CSMD2: variants seen among roughly 807,000 people sequenced by gnomAD.
CSMD2 encodes CUB and sushi domain-containing protein 2.
CSMD2 carries 130 observed loss-of-function variants against 398.5 expected under a neutral mutation model. That is an observed-to-expected ratio of 0.33 (90% CI 0.28 to 0.38). The LOEUF (loss-of-function observed/expected upper bound fraction) is 0.38, where lower values mean the gene tolerates loss of function less well. Among genes scored for constraint, CSMD2 ranks in the 10% least tolerant of loss-of-function variants. CSMD2 has a pLI of 1.00. For synonymous variants in CSMD2, 1,828 were observed against 1,908.5 expected, an observed-to-expected ratio of 0.96 and a Z score of 1.10; for missense variants, 3,829 against 4,764.9, an observed-to-expected ratio of 0.80 and a Z score of 5.78.
At chr1:34,162,633 C>T (rs1360113498) in intron 1 of CSMD2, among the ~76,000 whole-genome samples, 1 of 151,986 alleles carries the variant, frequency 6.6e-6, no homozygotes, top group Non-Finnish European at 1.5e-5. Flanking sequence ...CAGAGGCAGG[C>T]GGATCACCTG....
At position 33,527,269 on chromosome 1, in the gene CSMD2, A is replaced by G. The variant is rs1482269435; in HGVS notation, c.10172-11T>C. The G allele has an allele frequency of 6.2e-7, 1 of 1,609,188 alleles. No individual in the cohort carries two copies. The highest frequency in any genetic ancestry group is 8.5e-7 in the Non-Finnish European group (1 of 1,177,128). On this transcript the variant is annotated splice_polypyrimidine_tract_variant and intron_variant, in intron 64 of 70. Coordinates refer to ENST00000373381, the MANE Select transcript of CSMD2 (RefSeq NM_001281956.2). ...CACTGGGCCGGACCTCTGCTGGGGA[A>G]AAAGAGTGGAAGAAAACAGGTTCAG...
At position 33,873,182 on chromosome 1, in the gene CSMD2, C is replaced by A. The variant is rs114673031; in HGVS notation, c.921-26186G>T. 6.3e-3 allele frequency among the ~76,000 whole-genome samples: 952 copies of A among 152,258 alleles called. 11 individuals carry two copies. Among genetic ancestry groups the A allele is most frequent in the African/African-American group, 0.022 (903 of 41,556 alleles). Reference sequence around the variant, plus strand: ...CTGCACCTGATTTAGATGATGAGATCCTGGACTTTCAGTTGGTGCTCCCAC... The same window carrying A: ...CTGCACCTGATTTAGATGATGAGATACTGGACTTTCAGTTGGTGCTCCCAC... On this transcript the variant is annotated intron_variant, in intron 5 of 70. Coordinates refer to ENST00000373381, the MANE Select transcript of CSMD2 (RefSeq NM_001281956.2).
intron 3 of CSMD2, among the ~76,000 whole-genome samples, chr1:33,957,705 G>A (rs1645213978): frequency 6.6e-6 from 1 of 152,184 alleles, no homozygotes; most frequent in African/African-American, 2.4e-5. Flanking sequence ...GGATAAGCCA[G>A]TGGGAGGAGA....
At chr1:33,862,699 G>T (rs890555143) in intron 5 of CSMD2, among the ~76,000 whole-genome samples, 2 of 152,070 alleles carry the variant, frequency 1.3e-5, no homozygotes, top group African/African-American at 2.4e-5. Flanking sequence ...ACTACAGCTT[G>T]TCCCCTGGAG....
intron 53 of CSMD2, among the ~76,000 whole-genome samples, chr1:33,560,753 C>T (rs984188135): frequency 1.3e-5 from 2 of 152,226 alleles, no homozygotes; most frequent in African/African-American, 4.8e-5. Context: ...TTGCTTATCA[C>T]CCTTCAGCTG....
chr1:33,967,580 G>T (rs1358120216), intron 3 of CSMD2, among the ~76,000 whole-genome samples: 3 of 152,118 alleles, frequency 2.0e-5, no homozygotes, highest in Non-Finnish European at 2.9e-5. Flanking sequence ...GTCCATGATG[G>T]TCACCCAACA....
At chr1:34,021,259 G>T (rs529391804) in intron 3 of CSMD2, among the ~76,000 whole-genome samples, 2 of 152,330 alleles carry the variant, frequency 1.3e-5, no homozygotes, top group East Asian at 3.9e-4. Context: ...CCCCAAGGAA[G>T]AGGTGGCAGA....
chr1:33,945,402 T>C (rs1435905316), intron 3 of CSMD2, among the ~76,000 whole-genome samples: 1 of 152,224 alleles, frequency 6.6e-6, no homozygotes, highest in Non-Finnish European at 1.5e-5. Flanking sequence ...AGGTATCTCT[T>C]CTGCGTCAAA....
chr1:33,924,741 G>A (rs752777378), intron 4 of CSMD2, among the ~76,000 whole-genome samples: 3 of 151,902 alleles, frequency 2.0e-5, no homozygotes, highest in African/African-American at 7.3e-5. Context: ...TTCTAACTAG[G>A]GTAAAATGAT....
intron 12 of CSMD2, among the ~76,000 whole-genome samples, chr1:33,779,297 T>C (rs1041972142): frequency 3.9e-5 from 6 of 152,086 alleles, no homozygotes; most frequent in African/African-American, 4.8e-5. Context: ...TGGCAAGAGC[T>C]CTGGGATCAC....
intron 3 of CSMD2, among the ~76,000 whole-genome samples, chr1:33,957,956 T>TGC (rs1057425290): frequency 7.7e-5 from 11 of 143,786 alleles, no homozygotes; most frequent in African/African-American, 2.9e-4. Flanking sequence ...TGTGTGTGTG[T>TGC]GCACGCACGC....
At chr1:34,153,410 T>C (rs1011441372) in intron 1 of CSMD2, among the ~76,000 whole-genome samples, 2 of 152,202 alleles carry the variant, frequency 1.3e-5, no homozygotes, top group African/African-American at 4.8e-5. Flanking sequence ...AGCTGAAAGA[T>C]TATCATATGG....
At chr1:33,780,086 A>G (rs929867649) in intron 12 of CSMD2, among the ~76,000 whole-genome samples, 1 of 152,148 alleles carries the variant, frequency 6.6e-6, no homozygotes, top group African/African-American at 2.4e-5. Context: ...TCGATGAGTA[A>G]TAAGTCATTT....
In CSMD2 at chr1:33,577,540, C is replaced by T; in HGVS notation, c.7388-56G>A. 2.7e-6 allele frequency: 4 copies of T among 1,495,210 alleles called. No individual in the cohort carries two copies. The South Asian group carries it at 5.0e-5, about 19-fold the overall frequency. The allele number at this position is 1,495,210 out of a possible 1,614,324, so 92.6% of individuals were successfully genotyped here. Reference sequence around the variant, plus strand: ...GCACCAGCAGGAAGACAGACATGGTCTTTCATGCAGGCCCCTTTCCCTTTC... The same window carrying T: ...GCACCAGCAGGAAGACAGACATGGTTTTTCATGCAGGCCCCTTTCCCTTTC... On this transcript the variant is annotated intron_variant, in intron 48 of 70. Transcript: ENST00000373381.
intron 55 of CSMD2, among the ~76,000 whole-genome samples, chr1:33,553,897 C>T (rs905201259): frequency 3.9e-5 from 6 of 152,212 alleles, no homozygotes; most frequent in Middle Eastern, 3.4e-3. Context: ...GAAGATCAAA[C>T]CAGCCACAAT....
intron 13 of CSMD2, among the ~76,000 whole-genome samples, chr1:33,771,774 G>A (rs927244799): frequency 6.6e-6 from 1 of 152,204 alleles, no homozygotes; most frequent in Non-Finnish European, 1.5e-5. Context: ...CCTGAGAGAA[G>A]CACATGGAAA....
chr1:33,955,221 C>A (rs1645127368), intron 3 of CSMD2, among the ~76,000 whole-genome samples: 1 of 152,150 alleles, frequency 6.6e-6, no homozygotes, highest in African/African-American at 2.4e-5. Flanking sequence ...AGGAGCTCAG[C>A]TTGATTTTGT....
intron 25 of CSMD2, among the ~76,000 whole-genome samples, chr1:33,672,332 T>A (rs1644532187): frequency 6.6e-6 from 1 of 152,234 alleles, no homozygotes; most frequent in Admixed American, 6.5e-5. Context: ...ATTCCGCACC[T>A]GGCTCGGAGG....
intron 55 of CSMD2, among the ~76,000 whole-genome samples, chr1:33,554,341 A>C (rs1657759641): frequency 6.6e-6 from 1 of 151,814 alleles, no homozygotes; most frequent in Non-Finnish European, 1.5e-5. Context: ...CTACAGGTGC[A>C]CACCACCACG....
Sources: allele counts gnomAD v4.1 joint callset (sites outside exome capture counted in the v4.1 genomes callset), GRCh38; gene constraint gnomAD v4.1.1; transcripts MANE v1.5; gene names NCBI Gene and HGNC (gene_info 2026-07-23, HGNC 2026-07-21).